The following STK33 variants were observed in gnomAD, a reference collection of about 807,000 sequenced individuals.
STK33 encodes serine/threonine kinase 33, also known as serine/threonine-protein kinase 33.
STK33 carries 52 observed loss-of-function variants against 58.0 expected under a neutral mutation model. The observed-to-expected ratio is 0.90, with a 90% CI of 0.72 to 1.13. STK33 has a LOEUF of 1.13. Among genes scored for constraint, STK33 ranks in the 50% most tolerant of loss-of-function variants. The pLI, the probability that STK33 is intolerant of heterozygous loss-of-function variation, is 0.00. For synonymous variants in STK33, 215 were observed against 200.1 expected, an observed-to-expected ratio of 1.07 and a Z score of -0.63; for missense variants, 630 against 604.2, an observed-to-expected ratio of 1.04 and a Z score of -0.45.
At chr11:8,481,105 A>C (rs536280990) in intron 1 of STK33, among the ~76,000 whole-genome samples, 9 of 152,172 alleles carry the variant, frequency 5.9e-5, no homozygotes, top group Non-Finnish European at 7.3e-5. Context: ...GAAATGTGTG[A>C]TGTAACATTC....
chr11:8,337,473 A>G, the STK33 span, among the ~76,000 whole-genome samples: 2 of 151,902 alleles, frequency 1.3e-5, no homozygotes, highest in East Asian at 3.9e-4. Flanking sequence ...CGCCCTCCTC[A>G]CCACCCACTT....
intron 12 of STK33, 57 bp from the exon 13 acceptor site, chr11:8,436,196 T>A: frequency 9.6e-7 from 1 of 1,045,320 alleles, no homozygotes; most frequent in Non-Finnish European, 1.3e-6. Context: ...ATAAGCCTAT[T>A]AAAATTAAGT....
the STK33 span, among the ~76,000 whole-genome samples, chr11:8,384,894 C>T: frequency 6.6e-6 from 1 of 152,182 alleles, no homozygotes; most frequent in African/African-American, 2.4e-5. Flanking sequence ...CTTTCATACT[C>T]TTAGTCTTGT....
At chr11:8,420,674 A>G (rs1379715343) in intron 14 of STK33, among the ~76,000 whole-genome samples, 1 of 152,160 alleles carries the variant, frequency 6.6e-6, no homozygotes. Context: ...TGTTTTGTAT[A>G]TATTTTTTAT....
At chr11:8,380,758 C>T in the STK33 span, among the ~76,000 whole-genome samples, 1 of 152,128 alleles carries the variant, frequency 6.6e-6, no homozygotes, top group Non-Finnish European at 1.5e-5. Context: ...GAAAATAAAT[C>T]ATTGTATCAA....
At chr11:8,517,886 G>A (rs1591584770) in intron 1 of STK33, among the ~76,000 whole-genome samples, 1 of 152,130 alleles carries the variant, frequency 6.6e-6, no homozygotes, top group African/African-American at 2.4e-5. Context: ...AAAGTGAAGG[G>A]AAGAATGGAA....
At chr11:8,578,234 G>A (rs559760411) in intron 1 of STK33, among the ~76,000 whole-genome samples, 56 of 152,104 alleles carry the variant, frequency 3.7e-4, no homozygotes, top group African/African-American at 1.1e-3. Context: ...TCACCATGCC[G>A]ACAGTAATCT....
the STK33 span, among the ~76,000 whole-genome samples, chr11:8,382,972 C>A: frequency 6.6e-6 from 1 of 152,160 alleles, no homozygotes; most frequent in Non-Finnish European, 1.5e-5. Flanking sequence ...CACAAGGACA[C>A]TGATAGGAAA....
At chr11:8,468,196 T>C (rs1948410051) in intron 6 of STK33, among the ~76,000 whole-genome samples, 1 of 152,164 alleles carries the variant, frequency 6.6e-6, no homozygotes, top group South Asian at 2.1e-4. Flanking sequence ...ACAGAGTTTG[T>C]GCAGAGAAAC....
Position 8,404,774 on chromosome 11 carries a change from T to C in STK33, c.1344+8721A>G, listed in dbSNP as rs564114643. Among the ~76,000 whole-genome samples the C allele has an allele frequency of 7.8e-4, 119 of 152,358 alleles. 3 individuals are homozygous for C. In the South Asian group the frequency reaches 0.024, roughly 30 times the overall value. On this transcript the variant is annotated intron_variant, in intron 15 of 15. Coordinates refer to ENST00000687296, the MANE Select transcript of STK33 (RefSeq NM_001352389.2). ...TGGGGCTGCTTATACATAAATCCGCTACAAACATATACTACAAATCTTTTT... is the reference window on the plus strand; with the variant it reads ...TGGGGCTGCTTATACATAAATCCGCCACAAACATATACTACAAATCTTTTT...
the STK33 span, among the ~76,000 whole-genome samples, chr11:8,352,702 A>G: frequency 1.3e-5 from 2 of 152,252 alleles, no homozygotes; most frequent in Non-Finnish European, 2.9e-5. Context: ...ATTTTGCCAC[A>G]TAAGTATGGT....
intron 13 of STK33, among the ~76,000 whole-genome samples, 199 bp from the exon 14 acceptor site, chr11:8,435,778 GGTCTATA>G (rs1397675380): frequency 6.6e-6 from 1 of 152,004 alleles, no homozygotes; most frequent in East Asian, 1.9e-4. Context: ...CTAGTTTAAT[GGTCTATA>G]GTAAACATTA....
At chr11:8,534,250 G>C (rs775654048) in intron 1 of STK33, among the ~76,000 whole-genome samples, 16 of 151,708 alleles carry the variant, frequency 1.1e-4, no homozygotes, top group Non-Finnish European at 2.2e-4. Context: ...ACTCCAGCCT[G>C]GGCAACAAGA....
At chr11:8,543,735 A>G (rs1955696603) in intron 1 of STK33, among the ~76,000 whole-genome samples, 1 of 152,208 alleles carries the variant, frequency 6.6e-6, no homozygotes, top group Non-Finnish European at 1.5e-5. Flanking sequence ...ACATTTTAAA[A>G]TAACTAAAAG....
chr11:8,483,501 G>A (rs1021852493), intron 1 of STK33, among the ~76,000 whole-genome samples: 1 of 152,160 alleles, frequency 6.6e-6, no homozygotes, highest in Non-Finnish European at 1.5e-5. Flanking sequence ...AAAGGCTACT[G>A]TAATGGAATA....
intron 15 of STK33, among the ~76,000 whole-genome samples, chr11:8,394,813 TTC>T (rs1482169801): frequency 4.6e-5 from 7 of 152,198 alleles, no homozygotes; most frequent in South Asian, 2.1e-4. Context: ...AATATGATAT[TTC>T]TGTTTTATTT....
intron 15 of STK33, among the ~76,000 whole-genome samples, chr11:8,400,279 G>C (rs1473574358): frequency 1.3e-5 from 2 of 152,172 alleles, no homozygotes; most frequent in Admixed American, 6.5e-5. Context: ...CCATGATCAA[G>C]CCGGCTTCAT....
In STK33 at chr11:8,435,659, G is replaced by A. The variant is rs538963016; in HGVS notation, c.1061-80C>T. ...ACATTTTACAATTTTTTAGGATTAG[G>A]TCAGTATAACAGGAAAGAAAGATGC... is the stretch of plus-strand genomic sequence containing the variant. On this transcript the variant is annotated intron_variant, in intron 13 of 15. Coordinates refer to ENST00000687296, the MANE Select transcript of STK33 (RefSeq NM_001352389.2). 2.2e-5 allele frequency: 17 copies of A among 789,018 alleles called. No homozygotes were observed. The African/African-American group carries it at 2.8e-4, about 13-fold the overall frequency. The allele number at this position is 789,018 out of a possible 1,614,324, so 48.9% of individuals were successfully genotyped here.
intron 1 of STK33, among the ~76,000 whole-genome samples, chr11:8,588,412 C>G (rs978879473): frequency 6.6e-6 from 1 of 152,120 alleles, no homozygotes; most frequent in Non-Finnish European, 1.5e-5. Flanking sequence ...ACATGCCTGA[C>G]GAGTTGACTT....
Sources: allele counts gnomAD v4.1 joint callset (sites outside exome capture counted in the v4.1 genomes callset), GRCh38; gene constraint gnomAD v4.1.1; transcripts MANE v1.5; gene names NCBI Gene and HGNC (gene_info 2026-07-23, HGNC 2026-07-21).